Variants in SHISA6 observed in about 807,000 individuals in gnomAD.
SHISA6 encodes the protein shisa family member 6.
SHISA6 carries 22 observed loss-of-function variants against 47.9 expected under a neutral mutation model. The observed-to-expected ratio is 0.46, with a 90% confidence interval of 0.33 to 0.66. The LOEUF (loss-of-function observed/expected upper bound fraction) is 0.66. SHISA6 is among the 30% of genes least tolerant of loss of function. SHISA6 has a pLI of 0.02. For missense variants in SHISA6, 680 were observed against 764.6 expected (o/e 0.89, Z 1.30); for synonymous variants, 388 against 337.8 (o/e 1.15, Z -1.63).
chr17:11,506,820 G>C (rs1381510264), intron 3 of SHISA6, among the ~76,000 whole-genome samples: 1 of 152,174 alleles, frequency 6.6e-6, no homozygotes, highest in African/African-American at 2.4e-5. Flanking sequence ...ACAAAACAAA[G>C]TTCAGGACCT....
chr17:11,293,372 C>A (rs1436755767), intron 2 of SHISA6, among the ~76,000 whole-genome samples: 1 of 152,032 alleles, frequency 6.6e-6, no homozygotes, highest in East Asian at 1.9e-4. Context: ...TTTTCAAGGA[C>A]GACTACTACA....
chr17:11,405,768 GGGTGACAGAGCAAAGCTCTGTC>G (rs1913934778), intron 3 of SHISA6, among the ~76,000 whole-genome samples: 1 of 151,922 alleles, frequency 6.6e-6, no homozygotes, highest in Admixed American at 6.6e-5. Flanking sequence ...GTTCTAGCCT[GGGTGACAGAGCAAAGCTCTGTC>G]TCAAAAAAAA....
intron 3 of SHISA6, among the ~76,000 whole-genome samples, chr17:11,431,917 C>A (rs1202528724): frequency 6.6e-6 from 1 of 152,192 alleles, no homozygotes; most frequent in Non-Finnish European, 1.5e-5. Flanking sequence ...TGAAACATCA[C>A]TGGCCTGTCC....
At chr17:11,382,928 CTTTTTTTTTTTTTT>C (rs10601084) in intron 3 of SHISA6, among the ~76,000 whole-genome samples, 3 of 70,776 alleles carry the variant, frequency 4.2e-5, no homozygotes, top group Non-Finnish European at 5.2e-5. Flanking sequence ...TCCTGTCAGC[CTTTTTTTTTTTTTT>C]TTTTTTTTTT....
intron 4 of SHISA6, among the ~76,000 whole-genome samples, chr17:11,554,736 T>A (rs569970384): frequency 6.6e-6 from 1 of 152,212 alleles, no homozygotes; most frequent in South Asian, 2.1e-4. Flanking sequence ...TTGTGGCTTC[T>A]CCTCCTCAAG....
chr17:11,464,205 C>G (rs1053154951), intron 3 of SHISA6, among the ~76,000 whole-genome samples: 3 of 152,206 alleles, frequency 2.0e-5, no homozygotes, highest in Admixed American at 6.5e-5. Context: ...ACGTGAGCCA[C>G]TGCACACAGC....
chr17:11,308,089 C>T (rs895811290), intron 2 of SHISA6, among the ~76,000 whole-genome samples: 1 of 152,096 alleles, frequency 6.6e-6, no homozygotes, highest in African/African-American at 2.4e-5. Flanking sequence ...ATGCCCAGGT[C>T]ACCAAAATCT....
chr17:11,398,894 A>G (rs1225965256), intron 3 of SHISA6, among the ~76,000 whole-genome samples: 2 of 151,644 alleles, frequency 1.3e-5, no homozygotes, highest in South Asian at 2.1e-4. Context: ...CCGGGTCCCA[A>G]TAGTACTTTT....
intron 1 of SHISA6, among the ~76,000 whole-genome samples, chr17:11,246,382 C>T (rs549729388): frequency 3.0e-4 from 45 of 152,182 alleles, no homozygotes; most frequent in South Asian, 2.7e-3. Flanking sequence ...CCCAGCTACT[C>T]GGGAGGCTGA....
At chr17:11,430,271 T>C (rs1391170526) in intron 3 of SHISA6, among the ~76,000 whole-genome samples, 1 of 152,180 alleles carries the variant, frequency 6.6e-6, no homozygotes, top group Non-Finnish European at 1.5e-5. Context: ...CTGGCCCTTT[T>C]GTGATTGGAC....
At position 11,324,175 on chromosome 17, in the gene SHISA6, A is replaced by C. The variant is rs569603892; in HGVS notation, c.800-55239A>C. On this transcript the variant is annotated intron_variant, in intron 2 of 5. Transcript: ENST00000441885. ...TTCTCAGCTTTGGTGCCGCGTTTTCATCTTATCAAAGATTCATGCAAGTGT... is the reference window on the plus strand; with the variant it reads ...TTCTCAGCTTTGGTGCCGCGTTTTCCTCTTATCAAAGATTCATGCAAGTGT... 3.4e-4 allele frequency among the ~76,000 whole-genome samples: 51 copies of C among 152,234 alleles called. No individual in the cohort carries two copies. The South Asian group carries it at 9.5e-3, about 28-fold the overall frequency.
chr17:11,386,793 A>G (rs1210675252), intron 3 of SHISA6, among the ~76,000 whole-genome samples: 1 of 152,186 alleles, frequency 6.6e-6, no homozygotes, highest in East Asian at 1.9e-4. Context: ...AAGTGGGTGT[A>G]TGTGATCTTT....
At chr17:11,477,372 C>T (rs1916077346) in intron 3 of SHISA6, among the ~76,000 whole-genome samples, 1 of 152,052 alleles carries the variant, frequency 6.6e-6, no homozygotes, top group Non-Finnish European at 1.5e-5. Context: ...TTTAATTGAA[C>T]ATTTTACATG....
chr17:11,248,111 G>A (rs954842785), intron 1 of SHISA6, among the ~76,000 whole-genome samples: 1 of 152,102 alleles, frequency 6.6e-6, no homozygotes, highest in African/African-American at 2.4e-5. Flanking sequence ...AGAGAGATAA[G>A]AGGCCTGGGT....
intron 3 of SHISA6, among the ~76,000 whole-genome samples, chr17:11,529,523 C>G (rs568336270): frequency 6.6e-6 from 1 of 152,242 alleles, no homozygotes; most frequent in East Asian, 1.9e-4. Context: ...CGAAACCATA[C>G]AAGAATAAGA....
intron 3 of SHISA6, among the ~76,000 whole-genome samples, chr17:11,517,535 C>A (rs1375533166): frequency 6.6e-6 from 1 of 152,166 alleles, no homozygotes; most frequent in Non-Finnish European, 1.5e-5. Flanking sequence ...CGGGTTCTTG[C>A]TCTGTCACCC....
chr17:11,561,417 C>T lies in SHISA6; in HGVS notation c.*3113C>T, dbSNP rs759996182. ...GCTTTCACAATCCCTCCTGCATCTC[C>T]ACCTTCCCTGTCTTGCTCCAGGCTC... On this transcript the variant is annotated 3_prime_UTR_variant, in exon 6 of 6. Transcript: ENST00000441885. 1.3e-5 allele frequency: 2 copies of T among 152,514 alleles called. No individual in the cohort carries two copies. Among genetic ancestry groups the T allele is most frequent in the Non-Finnish European group, 2.9e-5 (2 of 68,296 alleles). 9.4% of individuals were successfully genotyped at this position (152,514 alleles called of 1,614,324 possible).
At chr17:11,276,506 C>T (rs1295437437) in intron 2 of SHISA6, among the ~76,000 whole-genome samples, 1 of 152,178 alleles carries the variant, frequency 6.6e-6, no homozygotes, top group Non-Finnish European at 1.5e-5. Flanking sequence ...CCCATACCCC[C>T]TTACTAGTTG....
intron 2 of SHISA6, among the ~76,000 whole-genome samples, chr17:11,266,912 C>A (rs1908445428): frequency 6.6e-6 from 1 of 152,106 alleles, no homozygotes; most frequent in African/African-American, 2.4e-5. Context: ...AAAGCACATG[C>A]TTTGTTGGTT....
Sources: gnomAD v4.1 joint callset for allele counts (sites outside exome capture counted in the v4.1 genomes callset) on GRCh38, gnomAD v4.1.1 for gene constraint, MANE v1.5 for transcripts, NCBI Gene and HGNC (gene_info 2026-07-23, HGNC 2026-07-21) for gene names.